PRKCE: variants seen among roughly 807,000 people sequenced by gnomAD.
PRKCE encodes the protein protein kinase C epsilon type.
In PRKCE, 16 loss-of-function variants were observed where a neutral mutation model predicts 85.4. The observed-to-expected ratio is 0.19, with a 90% CI of 0.13 to 0.28. The LOEUF (loss-of-function observed/expected upper bound fraction) is 0.28. PRKCE is among the 10% of genes least tolerant of loss of function. The pLI, the probability that PRKCE is intolerant of heterozygous loss-of-function variation, is 1.00. For synonymous variants in PRKCE, 388 were observed against 371.5 expected (o/e 1.04, Z -0.51); for missense variants, 573 against 975.2 (o/e 0.59, Z 5.49).
chr2:45,888,144 C>T (rs1347054460), intron 2 of PRKCE, among the ~76,000 whole-genome samples: 1 of 152,168 alleles, frequency 6.6e-6, no homozygotes, highest in African/African-American at 2.4e-5. Context: ...TGTGGATGAT[C>T]CCAGATATAA....
At chr2:46,038,651 TCACACACACACACACACACACA>T (rs3222422) in intron 10 of PRKCE, among the ~76,000 whole-genome samples, 18 of 128,728 alleles carry the variant, frequency 1.4e-4, no homozygotes, top group African/African-American at 4.0e-4. Context: ...AGTAACAACT[TCACACACACACACACACACACA>T]CACACACACA....
At chr2:46,166,512 G>A (rs1324525476) in intron 14 of PRKCE, among the ~76,000 whole-genome samples, 6 of 152,212 alleles carry the variant, frequency 3.9e-5, no homozygotes, top group Non-Finnish European at 5.9e-5. Context: ...TTGACCCAGC[G>A]GGTGGCATGG....
At chr2:46,114,598 T>G (rs1239545581) in intron 11 of PRKCE, among the ~76,000 whole-genome samples, 1 of 151,712 alleles carries the variant, frequency 6.6e-6, no homozygotes, top group Non-Finnish European at 1.5e-5. Context: ...TTTGTGTTTT[T>G]TTAGTAGAGA....
chr2:45,807,297 A>C (rs1431222815), intron 1 of PRKCE, among the ~76,000 whole-genome samples: 1 of 152,260 alleles, frequency 6.6e-6, no homozygotes, highest in Non-Finnish European at 1.5e-5. Flanking sequence ...GAATGATCAA[A>C]GATGGGCTTC....
chr2:45,750,037 G>A (rs1683425748), intron 1 of PRKCE, among the ~76,000 whole-genome samples: 1 of 152,098 alleles, frequency 6.6e-6, no homozygotes, highest in African/African-American at 2.4e-5. Context: ...ATTTTTCTAG[G>A]CTCTTAAGCA....
Position 46,092,124 on chromosome 2 carries a change from A to G in PRKCE, c.1592+5762A>G, listed in dbSNP as rs1173763154. Among the ~76,000 whole-genome samples, 4 of 152,332 alleles carry G rather than the reference A, an allele frequency of 2.6e-5. No individual in the cohort carries two copies. The East Asian group carries it at 7.7e-4, about 29-fold the overall frequency. On this transcript the variant is annotated intron_variant, in intron 11 of 14. Transcript: ENST00000306156. ...ACTGGTCTCCACTTGTGAAGTTTAG[A>G]TAGTACCTGCCTTGTCTCTTTCAAA...
At chr2:45,793,976 C>T (rs1355824473) in intron 1 of PRKCE, among the ~76,000 whole-genome samples, 2 of 152,108 alleles carry the variant, frequency 1.3e-5, no homozygotes, top group African/African-American at 4.8e-5. Context: ...ATAAAATCCA[C>T]AGCAATCCCA....
chr2:46,105,042 G>T (rs1191076726), intron 11 of PRKCE, among the ~76,000 whole-genome samples: 15 of 150,588 alleles, frequency 1.0e-4, no homozygotes, highest in African/African-American at 3.7e-4. Context: ...CCAGAATAGA[G>T]CACTTTTGCC....
At chr2:46,124,396 G>A (rs1324177978) in intron 11 of PRKCE, among the ~76,000 whole-genome samples, 1 of 152,134 alleles carries the variant, frequency 6.6e-6, no homozygotes, top group African/African-American at 2.4e-5. Flanking sequence ...TAATCGTGTT[G>A]CTGCCTTCCG....
chr2:45,846,717 C>T (rs773641092), intron 2 of PRKCE, among the ~76,000 whole-genome samples: 4 of 152,114 alleles, frequency 2.6e-5, no homozygotes, highest in Non-Finnish European at 5.9e-5. Flanking sequence ...CCTTAGGAGT[C>T]CTTCAGACCT....
At chr2:46,100,797 G>C (rs1671138546) in intron 11 of PRKCE, among the ~76,000 whole-genome samples, 1 of 152,172 alleles carries the variant, frequency 6.6e-6, no homozygotes, top group African/African-American at 2.4e-5. Flanking sequence ...CCATGACAAG[G>C]AAGAAGAGCA....
chr2:46,035,990 G>T (rs560419348), intron 10 of PRKCE, among the ~76,000 whole-genome samples: 4 of 152,358 alleles, frequency 2.6e-5, no homozygotes, highest in East Asian at 1.9e-4. Flanking sequence ...AGGTGGAAGT[G>T]CTAGGGAAAA....
chr2:45,920,779 T>C (rs62128985), intron 2 of PRKCE, among the ~76,000 whole-genome samples: 13,085 of 152,236 alleles, frequency 0.086, 719 homozygotes, highest in South Asian at 0.14. Flanking sequence ...GAGTTACTTT[T>C]TGAGGTGATG....
intron 1 of PRKCE, among the ~76,000 whole-genome samples, chr2:45,810,842 T>C (rs995711787): frequency 1.3e-5 from 2 of 152,238 alleles, no homozygotes; most frequent in African/African-American, 4.8e-5. Context: ...TAACAGTATT[T>C]GTTCACTCAC....
At chr2:46,052,663 A>T (rs1212590651) in intron 10 of PRKCE, among the ~76,000 whole-genome samples, 1 of 152,242 alleles carries the variant, frequency 6.6e-6, no homozygotes. Context: ...TTCATATGAA[A>T]TTGAATAAGA....
chr2:45,789,931 A>T (rs1008621123), intron 1 of PRKCE, among the ~76,000 whole-genome samples: 3 of 152,226 alleles, frequency 2.0e-5, no homozygotes, highest in African/African-American at 2.4e-5. Context: ...GGTAGTGTTC[A>T]TTCATATTGA....
In PRKCE at chr2:45,786,296, C is replaced by A. The variant is rs1686598332; in HGVS notation, c.349-56704C>A. The stretch of plus-strand genomic sequence containing the variant: ...CCTGGCCTGGCCACACAGTAGAATT[C>A]ATCCCAAGTTTCCAGGAGGAGTTAC... On this transcript the variant is annotated intron_variant, in intron 1 of 14. Transcript: ENST00000306156. The surrounding 1 kb of genome is among the most constrained non-coding windows in gnomAD (Gnocchi z 5.3). 6.6e-6 allele frequency among the ~76,000 whole-genome samples: 1 copy of A among 152,148 alleles called. No individual in the cohort carries two copies. Among genetic ancestry groups the A allele is most frequent in the South Asian group, 2.1e-4 (1 of 4,820 alleles).
At chr2:46,051,234 A>G (rs1458549575) in intron 10 of PRKCE, among the ~76,000 whole-genome samples, 1 of 152,150 alleles carries the variant, frequency 6.6e-6, no homozygotes, top group Admixed American at 6.5e-5. Flanking sequence ...TTGAAATCTG[A>G]CCTTCCCAGA....
chr2:45,763,252 C>A (rs990847287), intron 1 of PRKCE, among the ~76,000 whole-genome samples: 1 of 152,018 alleles, frequency 6.6e-6, no homozygotes, highest in Non-Finnish European at 1.5e-5. Flanking sequence ...CTGCTCCTGG[C>A]CTTGAGGTGT....
Sources: gnomAD v4.1 joint callset for allele counts (sites outside exome capture counted in the v4.1 genomes callset) on GRCh38, gnomAD v4.1.1 for gene constraint, Gnocchi (gnomAD v3.1) non-coding constraint, MANE v1.5 for transcripts, NCBI Gene and HGNC (gene_info 2026-07-23, HGNC 2026-07-21) for gene names.